The following HDLBP variants were observed in gnomAD, a reference collection of about 807,000 sequenced individuals.
HDLBP encodes the protein high density lipoprotein binding protein, also known as vigilin.
HDLBP carries 30 observed loss-of-function variants against 137.3 expected under a neutral mutation model. That is an observed-to-expected ratio of 0.22 (90% confidence interval 0.16 to 0.30). HDLBP has a LOEUF of 0.30. Among genes scored for constraint, HDLBP ranks in the 10% least tolerant of loss-of-function variants. The pLI, the probability that HDLBP is intolerant of heterozygous loss-of-function variation, is 1.00. For synonymous variants in HDLBP, 606 were observed against 596.0 expected, an observed-to-expected ratio of 1.02 and a Z score of -0.24; for missense variants, 1,119 against 1,667.3, an observed-to-expected ratio of 0.67 and a Z score of 5.73.
intron 4 of HDLBP, among the ~76,000 whole-genome samples, chr2:241,263,714 C>T (rs2073392029): frequency 6.6e-6 from 1 of 152,134 alleles, no homozygotes; most frequent in Non-Finnish European, 1.5e-5. Context: ...AACTCACTAA[C>T]ATCTCAAATT....
At chr2:241,302,933 G>A (rs1340526040) in intron 1 of HDLBP, among the ~76,000 whole-genome samples, 1 of 152,168 alleles carries the variant, frequency 6.6e-6, no homozygotes, top group African/African-American at 2.4e-5. Context: ...TGCCTGGCCC[G>A]AGGTAAGAGA....
intron 1 of HDLBP, chr2:241,273,502 G>C (rs11693230): frequency 8.0e-6 from 6 of 751,960 alleles, no homozygotes; most frequent in African/African-American, 1.9e-5. Context: ...CCCTACTCTC[G>C]GGGTCTCCAC....
chr2:241,314,118 AT>A lies in HDLBP; in HGVS notation c.-103+1451del, dbSNP rs546181058. Among the ~76,000 whole-genome samples, 760 of 152,320 alleles carry A rather than the reference AT, an allele frequency of 5.0e-3. 6 individuals carry two copies. Among genetic ancestry groups the A allele is most frequent in the African/African-American group, 0.018 (728 of 41,558 alleles). ...ATAGGTTGATGTTTCAGACTCAGAGATTCGGTAATCCAAATGATGGAAATAA... is the reference window on the plus strand; with the variant it reads ...ATAGGTTGATGTTTCAGACTCAGAGATCGGTAATCCAAATGATGGAAATAA... On this transcript the variant is annotated intron_variant, in intron 1 of 27. Transcript: ENST00000310931.
chr2:241,233,187 C>T lies in HDLBP; in HGVS notation c.3288+633G>A, dbSNP rs982343837. 3.3e-5 allele frequency among the ~76,000 whole-genome samples: 5 copies of T among 152,270 alleles called. No homozygotes were observed. The East Asian group carries it at 9.7e-4, about 29-fold the overall frequency. ...AGGAAGCAGACACCCCAGCAGGATGCCAGAGCCAGGAAAGACCAAGCCTGG... is the reference window on the plus strand; with the variant it reads ...AGGAAGCAGACACCCCAGCAGGATGTCAGAGCCAGGAAAGACCAAGCCTGG... On this transcript the variant is annotated intron_variant, in intron 24 of 27. Transcript: ENST00000310931. The surrounding 1 kb of genome is among the most constrained non-coding windows in gnomAD (Gnocchi z 4.3).
rs61757694 is a variant in HDLBP at position 241,256,683 on chromosome 2, G to A, written c.574C>T (p.Pro192Ser). ...TKIQIPRPDD[P>S]SNQIKITGTK... The stretch of plus-strand genomic sequence containing the variant: ...CCAGTGATCTTGATCTGATTGCTGG[G>A]GTCATCTGGGCGTGGGATCTGGATT... The change falls in exon 6 of 28, where the codon CCC becomes TCC. Residue 192 changes from proline to serine, a missense_variant. This residue lies in a region of HDLBP where 425 missense variants were observed against 693.9 expected (regional missense o/e 0.61). Transcript: ENST00000310931. The A allele has an allele frequency of 1.3e-5, 21 of 1,614,080 alleles. No homozygotes were observed. The African/African-American group carries it at 2.5e-4, about 19-fold the overall frequency.
At position 241,264,488 on chromosome 2, in the gene HDLBP, C is replaced by A. The variant is rs1375079473; in HGVS notation, c.194G>T (p.Gly65Val). ...ESAQEPAGAW[G>V]NKIRPIKASV... ...AGCCTTGATGGGTCGGATCTTGTTC[C>A]CCCAGGCTCCAGCGGGTTCCTGGGC... The change falls in exon 4 of 28, where the codon GGG (glycine) becomes GTG (valine). Residue 65 changes from glycine to valine, a missense_variant. Transcript: ENST00000310931. The A allele has an allele frequency of 6.2e-7, 1 of 1,613,106 alleles. No individual in the cohort carries two copies. Among genetic ancestry groups the A allele is most frequent in the Non-Finnish European group, 8.5e-7 (1 of 1,179,372 alleles).
chr2:241,250,414 C>T (rs61332497), intron 11 of HDLBP: 39,506 of 156,504 alleles, frequency 0.25, 5,916 homozygotes, highest in East Asian at 0.63. Flanking sequence ...CTCACTGACG[C>T]CTAAGAGCCT....
chr2:241,305,725 T>C (rs1406516266), intron 1 of HDLBP, among the ~76,000 whole-genome samples: 1 of 151,734 alleles, frequency 6.6e-6, no homozygotes, highest in Non-Finnish European at 1.5e-5. Flanking sequence ...TGATGACTAG[T>C]ATATAGGAAG....
Position 241,238,741 on chromosome 2 carries a change from C to T in HDLBP, c.2657G>A (p.Arg886Gln). 2.5e-6 allele frequency: 4 copies of T among 1,576,360 alleles called. No individual in the cohort carries two copies. Among genetic ancestry groups the T allele is most frequent in the Non-Finnish European group, 3.5e-6 (4 of 1,152,666 alleles). The change falls in exon 20 of 28, where the codon CGA becomes CAA. Residue 886 changes from arginine to glutamine, a missense_variant. Physicochemically the swap from Arg to Gln is conservative, Grantham distance 43. This residue lies in a region of HDLBP where 618 missense variants were observed against 816.7 expected (regional missense o/e 0.76). Transcript: ENST00000310931. This position sits in a 1 kb window ranked among gnomAD's most constrained non-coding sequence, Gnocchi z 4.9. The stretch of plus-strand genomic sequence containing the variant: ...GGAACCTTTGGGGCCCATGACAGAT[C>T]GATGGAATTTCTGGGGTATAGCACA... ...LECAIPQKFHRSVMGPKGSRI... is the reference protein window; with the variant it reads ...LECAIPQKFHQSVMGPKGSRI...
intron 17 of HDLBP, among the ~76,000 whole-genome samples, chr2:241,241,687 T>C (rs188387409): frequency 4.0e-5 from 6 of 150,284 alleles, no homozygotes; most frequent in African/African-American, 1.5e-4. Context: ...CCACAGGCAC[T>C]TCCATGTGCT....
chr2:241,281,418 G>A (rs1184444664), intron 1 of HDLBP, among the ~76,000 whole-genome samples: 1 of 152,214 alleles, frequency 6.6e-6, no homozygotes, highest in East Asian at 1.9e-4. Context: ...CTACTCGGGA[G>A]GCTGAGGTGG....
At chr2:241,308,902 C>CT (rs2075672527) in intron 1 of HDLBP, among the ~76,000 whole-genome samples, 3 of 152,204 alleles carry the variant, frequency 2.0e-5, no homozygotes, top group Non-Finnish European at 1.5e-5. Flanking sequence ...GATCCGACTG[C>CT]TAGGAGCCCC....
Position 241,274,610 on chromosome 2 carries a change from C to T in HDLBP, c.-102-6069G>A, listed in dbSNP as rs1313612288. ...CTAGGAAGTCAGCACAGGCACAGTA[C>T]CTAGTACACAGGACACCGTAAAGAG... On this transcript the variant is annotated intron_variant, in intron 1 of 27. Coordinates refer to ENST00000310931, the MANE Select transcript of HDLBP (RefSeq NM_005336.6). Among the ~76,000 whole-genome samples the T allele has an allele frequency of 3.9e-5, 6 of 152,142 alleles. No homozygotes were observed. The East Asian group carries it at 9.6e-4, about 24-fold the overall frequency.
At chr2:241,305,760 G>GT (rs1195214073) in intron 1 of HDLBP, among the ~76,000 whole-genome samples, 1,442 of 135,966 alleles carry the variant, frequency 0.011, 13 homozygotes, top group African/African-American at 0.025. Flanking sequence ...TTGTTTATTT[G>GT]TTTTTTTTTT....
Position 241,233,711 on chromosome 2 carries a change from C to T in HDLBP, c.3288+109G>A. 1.6e-6 allele frequency: 2 copies of T among 1,234,468 alleles called. No individual in the cohort carries two copies. The highest frequency in any genetic ancestry group is 4.7e-5 in the East Asian group (2 of 42,144). The allele number at this position is 1,234,468 out of a possible 1,614,324, so 76.5% of individuals were successfully genotyped here. Reference sequence around the variant, plus strand: ...TAGGTCCTGAGAGACTTGCCACTCTCAACTTGGCCCTCGAACCCCCATCTA... The same window carrying T: ...TAGGTCCTGAGAGACTTGCCACTCTTAACTTGGCCCTCGAACCCCCATCTA... On this transcript the variant is annotated intron_variant, in intron 24 of 27. Coordinates refer to ENST00000310931, the MANE Select transcript of HDLBP (RefSeq NM_005336.6). The surrounding 1 kb of genome is among the most constrained non-coding windows in gnomAD (Gnocchi z 4.3).
chr2:241,232,171 C>G (rs1025619341), intron 24 of HDLBP, among the ~76,000 whole-genome samples: 2 of 152,170 alleles, frequency 1.3e-5, no homozygotes, highest in Non-Finnish European at 2.9e-5. Context: ...ACCTCAAGAT[C>G]GGAAGCACAG....
intron 14 of HDLBP, chr2:241,247,440 C>T: frequency 2.5e-6 from 1 of 403,438 alleles, no homozygotes; most frequent in Admixed American, 3.7e-5. Context: ...CAGCACGGAC[C>T]CCTACGCTCT....
At chr2:241,281,308 C>T (rs1028410376) in intron 1 of HDLBP, among the ~76,000 whole-genome samples, 1 of 151,802 alleles carries the variant, frequency 6.6e-6, no homozygotes, top group Non-Finnish European at 1.5e-5. Context: ...GAGCCGAGAT[C>T]GCGCCATTGC....
At chr2:241,261,359 C>T (rs2073162182) in intron 5 of HDLBP, among the ~76,000 whole-genome samples, 1 of 152,118 alleles carries the variant, frequency 6.6e-6, no homozygotes, top group African/African-American at 2.4e-5. Flanking sequence ...CAAACAGAGA[C>T]TGGGTTAAAA....
Sources: gnomAD v4.1 joint callset for allele counts (sites outside exome capture counted in the v4.1 genomes callset) on GRCh38, gnomAD v4.1.1 for gene constraint, gnomAD v4.1.1 regional missense constraint, Gnocchi (gnomAD v3.1) non-coding constraint, MANE v1.5 for transcripts, NCBI Gene and HGNC (gene_info 2026-07-23, HGNC 2026-07-21) for gene names.